The following NF1 variants were observed in gnomAD, a reference collection of about 807,000 sequenced individuals.
NF1 encodes the protein neurofibromin 1, also known as neurofibromin.
NF1 carries 122 observed loss-of-function variants against 325.7 expected under a neutral mutation model. That is an observed-to-expected ratio of 0.37 (90% CI 0.32 to 0.44). NF1 has a LOEUF of 0.44. Ranked by LOEUF, NF1 falls within the 20% of genes least tolerant of loss-of-function variation. NF1 has a pLI of 1.00. For synonymous variants in NF1, 1,091 were observed against 1,186.0 expected (o/e 0.92, Z 1.65); for missense variants, 2,140 against 3,415.4 (o/e 0.63, Z 9.31).
intron 1 of NF1, chr17:31,138,429 A>G (rs943418103): frequency 2.6e-5 from 4 of 151,440 alleles, no homozygotes; most frequent in Non-Finnish European, 5.9e-5. Flanking sequence ...ACACCTGGCT[A>G]ATTTTTGTAT....
chr17:31,142,844 G>A lies in NF1; in HGVS notation c.61-13139G>A, dbSNP rs1180739275. Among the ~76,000 whole-genome samples the A allele has an allele frequency of 4.0e-5, 6 of 150,624 alleles. No individual in the cohort carries two copies. The East Asian group carries it at 9.8e-4, about 25-fold the overall frequency. Reference sequence around the variant, plus strand: ...ATCGCGCCACTGTACTCCAGCCTGGGCGATAGAGCGAGACTCTGTCTCAAA... The same window carrying A: ...ATCGCGCCACTGTACTCCAGCCTGGACGATAGAGCGAGACTCTGTCTCAAA... On this transcript the variant is annotated intron_variant, in intron 1 of 57. Transcript: ENST00000358273.
intron 5 of NF1, among the ~76,000 whole-genome samples, chr17:31,175,499 G>A (rs2066006526): frequency 6.6e-6 from 1 of 152,002 alleles, no homozygotes; most frequent in African/African-American, 2.4e-5. Context: ...ATAGGCGTGA[G>A]CCATCGGGCC....
intron 50 of NF1, among the ~76,000 whole-genome samples, chr17:31,351,397 A>ATTTTAT (rs2070139489): frequency 6.6e-6 from 1 of 152,040 alleles, no homozygotes; most frequent in Non-Finnish European, 1.5e-5. Flanking sequence ...CAATGTAAAC[A>ATTTTAT]TTTTATTTAT....
At chr17:31,095,543 A>G in intron 1 of NF1, 174 bp downstream of exon 1, 3 of 520,988 alleles carry the variant, frequency 5.8e-6, no homozygotes, top group Non-Finnish European at 9.7e-6. Flanking sequence ...GCGGGAGGTG[A>G]GGGGTAGGAG....
At chr17:31,223,719 G>C in intron 16 of NF1, 152 bp downstream of exon 16, 2 of 720,322 alleles carry the variant, frequency 2.8e-6, no homozygotes, top group Admixed American at 5.4e-5. Flanking sequence ...AGAGGACAAT[G>C]ACTGGCAAAT....
chr17:31,370,327 A>G (rs2070610635), intron 57 of NF1, among the ~76,000 whole-genome samples: 1 of 152,336 alleles, frequency 6.6e-6, no homozygotes, highest in East Asian at 1.9e-4. Context: ...AAATTGGAAA[A>G]TTCAGAAAAA....
intron 12 of NF1, among the ~76,000 whole-genome samples, chr17:31,210,912 G>GT (rs1305214125): frequency 2.6e-5 from 4 of 152,090 alleles, no homozygotes; most frequent in African/African-American, 9.6e-5. Context: ...TATTTGAAAT[G>GT]TTTGTCTTAG....
intron 1 of NF1, among the ~76,000 whole-genome samples, chr17:31,149,357 C>G (rs772433426): frequency 6.6e-6 from 1 of 151,956 alleles, no homozygotes; most frequent in Non-Finnish European, 1.5e-5. Flanking sequence ...GGCTGGAGTG[C>G]AGTGGGGCTT....
intron 14 of NF1, among the ~76,000 whole-genome samples, chr17:31,220,755 AAC>A (rs1416541598): frequency 6.6e-6 from 1 of 152,192 alleles, no homozygotes. Context: ...GGAAAAGGCT[AAC>A]ACATTTTCTT....
chr17:31,277,808 C>T (rs1297805705), intron 36 of NF1, among the ~76,000 whole-genome samples: 1 of 152,222 alleles, frequency 6.6e-6, no homozygotes, highest in Non-Finnish European at 1.5e-5. Flanking sequence ...CTAACTGCTT[C>T]CTGCACTCAC....
intron 11 of NF1, among the ~76,000 whole-genome samples, chr17:31,205,705 AT>A (rs1366427207): frequency 1.3e-5 from 2 of 152,134 alleles, no homozygotes; most frequent in Non-Finnish European, 2.9e-5. Context: ...GGTTTACTTA[AT>A]AGTTTTATTT....
intron 36 of NF1, chr17:31,307,898 A>C: frequency 7.8e-7 from 1 of 1,289,268 alleles, no homozygotes. Flanking sequence ...TTTTCAGCAT[A>C]TCTAAACAGC....
chr17:31,350,190 T>TA lies in NF1; in HGVS notation c.7330dup (p.Thr2444AsnfsTer4), dbSNP rs1064794278. The stretch of plus-strand genomic sequence containing the variant: ...CCACCGTTTTCCTTTTAGCTTTACT[T>TA]ACAGTGTCTGAAGAAGTTCGAAGTC... On this transcript the variant is annotated frameshift_variant, in exon 50 of 58. Transcript: ENST00000358273. LOFTEE classifies it high-confidence loss of function. 1 of 1,614,010 alleles carries TA rather than the reference T, an allele frequency of 6.2e-7. No individual in the cohort carries two copies. Among genetic ancestry groups the TA allele is most frequent in the Non-Finnish European group, 8.5e-7 (1 of 1,179,900 alleles).
Position 31,200,717 on chromosome 17 carries a change from T to G in NF1, c.1062+122T>G. 2.6e-6 allele frequency: 3 copies of G among 1,140,126 alleles called. No homozygotes were observed. The East Asian group carries it at 7.4e-5, about 28-fold the overall frequency. 70.6% of individuals were successfully genotyped at this position (1,140,126 alleles called of 1,614,324 possible). ...TTCTGACTCTTCGTTGATAAGTTCA[T>G]AGGACTTGCTTTTGTTGTTACTGTG... On this transcript the variant is annotated intron_variant, in intron 9 of 57. Transcript: ENST00000358273.
intron 36 of NF1, among the ~76,000 whole-genome samples, chr17:31,321,330 CTTAAAA>C (rs2151531401): frequency 6.6e-6 from 1 of 152,058 alleles, no homozygotes; most frequent in South Asian, 2.1e-4. Flanking sequence ...TCATTTCTAA[CTTAAAA>C]TTTATGTAAC....
At chr17:31,121,756 G>C (rs948709428) in intron 1 of NF1, among the ~76,000 whole-genome samples, 3 of 152,288 alleles carry the variant, frequency 2.0e-5, no homozygotes, top group African/African-American at 7.2e-5. Flanking sequence ...AGCCAGCCTT[G>C]CATCCCAGTG....
chr17:31,207,671 T>C (rs1220848277), intron 12 of NF1, among the ~76,000 whole-genome samples: 3 of 152,150 alleles, frequency 2.0e-5, no homozygotes. Flanking sequence ...TTGAAGAAAT[T>C]TTCAGTACAG....
rs767849433 is a variant in NF1 at position 31,226,428 on chromosome 17, C to G, written c.2002-7C>G. 6.2e-7 allele frequency: 1 copy of G among 1,612,630 alleles called. No homozygotes were observed. Among genetic ancestry groups the G allele is most frequent in the Non-Finnish European group, 8.5e-7 (1 of 1,179,494 alleles). On this transcript the variant is annotated splice_polypyrimidine_tract_variant and splice_region_variant and intron_variant, in intron 17 of 57. Transcript: ENST00000358273. The stretch of plus-strand genomic sequence containing the variant: ...GCAAATATATGTCTTCCACCCTTGA[C>G]TCTCAGGATAGTGCAGCAGGATGCA...
At chr17:31,215,634 A>G (rs568286825) in intron 13 of NF1, among the ~76,000 whole-genome samples, 3 of 152,350 alleles carry the variant, frequency 2.0e-5, no homozygotes, top group South Asian at 4.1e-4. Flanking sequence ...ATAAGATACA[A>G]TTTAACACTA....
Sources: gnomAD v4.1 joint callset for allele counts (sites outside exome capture counted in the v4.1 genomes callset) on GRCh38, gnomAD v4.1.1 for gene constraint, MANE v1.5 for transcripts, NCBI Gene and HGNC (gene_info 2026-07-23, HGNC 2026-07-21) for gene names.